B3GLCT: variants seen among roughly 807,000 people sequenced by gnomAD.
B3GLCT encodes beta 3-glucosyltransferase.
In B3GLCT, 65 loss-of-function variants were observed where a neutral mutation model predicts 63.4. That is an observed-to-expected ratio of 1.03 (90% CI 0.84 to 1.26). The LOEUF is 1.26. B3GLCT is among the 50% of genes most tolerant of loss of function. The probability of loss-of-function intolerance (pLI) is 0.00; values close to 1 mark genes in which losing one functional copy is unlikely to be tolerated. For missense variants in B3GLCT, 577 were observed against 604.8 expected, an observed-to-expected ratio of 0.95 and a Z score of 0.48; for synonymous variants, 233 against 219.2, an observed-to-expected ratio of 1.06 and a Z score of -0.55.
intron 8 of B3GLCT, among the ~76,000 whole-genome samples, chr13:31,272,472 T>TC (rs1872616308): frequency 6.6e-6 from 1 of 152,086 alleles, no homozygotes; most frequent in South Asian, 2.1e-4. Context: ...CACCTTGGCC[T>TC]CCCAAAGTGC....
intron 12 of B3GLCT, among the ~76,000 whole-genome samples, chr13:31,316,013 C>T (rs1874988378): frequency 6.6e-6 from 1 of 152,206 alleles, no homozygotes; most frequent in East Asian, 1.9e-4. Context: ...GGTTTGGGAA[C>T]CTCTGCCTAG....
Position 31,247,030 on chromosome 13 carries a change from C to G in B3GLCT, c.278C>G (p.Pro93Arg). The G allele has an allele frequency of 2.5e-6, 4 of 1,611,814 alleles. No individual in the cohort carries two copies. The highest frequency in any genetic ancestry group is 3.4e-6 in the Non-Finnish European group (4 of 1,178,908). The change falls in exon 5 of 15, where the codon CCC becomes CGC. Residue 93 changes from proline to arginine, a missense_variant. By Grantham distance (103) the Pro-to-Arg change is moderately radical. Coordinates refer to ENST00000343307, the MANE Select transcript of B3GLCT (RefSeq NM_194318.4). Reference sequence around the variant, plus strand: ...TGATCATTGTTTTCTCAGGAGCTCCCCAGTGTCCTCCTCCTTCATCAGCTG... The same window carrying G: ...TGATCATTGTTTTCTCAGGAGCTCCGCAGTGTCCTCCTCCTTCATCAGCTG... ...KQAADLTQEL[P>R]SVLLLHQLAK...
In B3GLCT at chr13:31,225,852, A is replaced by G. The variant is rs549943099; in HGVS notation, c.160+2861A>G. Among the ~76,000 whole-genome samples, 9 of 152,064 alleles carry G rather than the reference A, an allele frequency of 5.9e-5. No individual in the cohort carries two copies. In the East Asian group the frequency reaches 7.8e-4, roughly 13 times the overall value. On this transcript the variant is annotated intron_variant, in intron 3 of 14. Coordinates refer to ENST00000343307, the MANE Select transcript of B3GLCT (RefSeq NM_194318.4). ...ACTTGGCTCATGAGGCCCTTCCCCC[A>G]TTTGAAAGTGATTAATCTAGAGCCC... is the stretch of plus-strand genomic sequence containing the variant.
chr13:31,244,747 A>G (rs1475283), intron 4 of B3GLCT, among the ~76,000 whole-genome samples: 93,130 of 151,940 alleles, frequency 0.61, 28,702 homozygotes, highest in East Asian at 0.71. Flanking sequence ...ATATATATAT[A>G]TGTGTATATA....
At chr13:31,324,213 A>G (rs1875490437) in intron 14 of B3GLCT, among the ~76,000 whole-genome samples, 1 of 152,190 alleles carries the variant, frequency 6.6e-6, no homozygotes, top group Non-Finnish European at 1.5e-5. Context: ...TTTAAAAATT[A>G]TTGGATACTG....
At chr13:31,235,691 TAAAA>T (rs951057912) in intron 4 of B3GLCT, among the ~76,000 whole-genome samples, 4 of 152,276 alleles carry the variant, frequency 2.6e-5, no homozygotes, top group Admixed American at 1.3e-4. Flanking sequence ...TTAATTGTAA[TAAAA>T]AACACCTAAA....
chr13:31,321,658 T>C (rs570707849), intron 13 of B3GLCT, among the ~76,000 whole-genome samples: 2 of 152,340 alleles, frequency 1.3e-5, no homozygotes, highest in African/African-American at 4.8e-5. Flanking sequence ...CCATCCATCT[T>C]AGGTAAGGAT....
At position 31,280,380 on chromosome 13, in the gene B3GLCT, C is replaced by T. The variant is rs115609863; in HGVS notation, c.850+3609C>T. On this transcript the variant is annotated intron_variant, in intron 10 of 14. Coordinates refer to ENST00000343307, the MANE Select transcript of B3GLCT (RefSeq NM_194318.4). Reference sequence around the variant, plus strand: ...CCTCCGTTTGGGGTCCCTGACTTCCCGCAACACTCTGTGGTAGAAATACTT... The same window carrying T: ...CCTCCGTTTGGGGTCCCTGACTTCCTGCAACACTCTGTGGTAGAAATACTT... Among the ~76,000 whole-genome samples the T allele has an allele frequency of 5.7e-3, 867 of 152,280 alleles. 11 individuals carry two copies. Among genetic ancestry groups the T allele is most frequent in the African/African-American group, 0.02 (828 of 41,548 alleles).
At chr13:31,263,880 G>C (rs894195580) in intron 7 of B3GLCT, among the ~76,000 whole-genome samples, 1 of 152,132 alleles carries the variant, frequency 6.6e-6, no homozygotes, top group Admixed American at 6.5e-5. Context: ...CACTGCAGCA[G>C]GGTGTGTAGG....
rs376253915 is a variant in B3GLCT, at chr13:31,274,514, C to G, written c.666C>G (p.Ala222=). The part of the protein sequence containing the change: ...DFTIDLKHEI[A]LYIWDKGGGP... ...TGTCTCCTGTCTCGTGGCAGATTGC[C>G]CTCTACATCTGGGACAAAGGCGGAG... Residue 222 remains alanine (A), a synonymous_variant, in exon 9 of 15, where the codon GCC becomes GCG. Transcript: ENST00000343307. 9 of 1,614,058 alleles carry G rather than the reference C, an allele frequency of 5.6e-6. No homozygotes were observed. Among genetic ancestry groups the G allele is most frequent in the African/African-American group, 2.7e-5 (2 of 74,914 alleles).
At chr13:31,220,104 A>G (rs1241341259) in intron 2 of B3GLCT, among the ~76,000 whole-genome samples, 1 of 152,210 alleles carries the variant, frequency 6.6e-6, no homozygotes, top group Non-Finnish European at 1.5e-5. Flanking sequence ...AATCATGAAC[A>G]CATCTCATTA....
At chr13:31,220,037 C>T (rs1391488228) in intron 2 of B3GLCT, among the ~76,000 whole-genome samples, 1 of 152,192 alleles carries the variant, frequency 6.6e-6, no homozygotes, top group African/African-American at 2.4e-5. Context: ...CCAGTTGAAA[C>T]AGGCCTGAGC....
chr13:31,240,285 A>G (rs571975469), intron 4 of B3GLCT, among the ~76,000 whole-genome samples: 1 of 152,264 alleles, frequency 6.6e-6, no homozygotes, highest in East Asian at 1.9e-4. Context: ...CTCCACCTGA[A>G]CTATGTAGCT....
At chr13:31,267,037 C>T (rs1872358348) in intron 7 of B3GLCT, among the ~76,000 whole-genome samples, 1 of 152,232 alleles carries the variant, frequency 6.6e-6, no homozygotes, top group Non-Finnish European at 1.5e-5. Flanking sequence ...TCCCAAAGTG[C>T]TGGGATTACA....
chr13:31,219,556 A>T (rs551688930), intron 2 of B3GLCT, among the ~76,000 whole-genome samples: 1 of 152,230 alleles, frequency 6.6e-6, no homozygotes, highest in African/African-American at 2.4e-5. Flanking sequence ...TGGTCACGAG[A>T]ACCAAAGTGT....
chr13:31,227,051 T>C (rs1870137859), intron 3 of B3GLCT, among the ~76,000 whole-genome samples: 2 of 152,210 alleles, frequency 1.3e-5, no homozygotes, highest in African/African-American at 2.4e-5. Context: ...TATTATATAG[T>C]TATTCTTTTG....
At chr13:31,237,849 C>T (rs1227167249) in intron 4 of B3GLCT, among the ~76,000 whole-genome samples, 3 of 152,058 alleles carry the variant, frequency 2.0e-5, no homozygotes, top group South Asian at 2.1e-4. Context: ...CTGTAAGGGA[C>T]GGGATGTCTG....
intron 1 of B3GLCT, among the ~76,000 whole-genome samples, chr13:31,212,543 G>A (rs1437904316): frequency 6.6e-6 from 1 of 152,136 alleles, no homozygotes; most frequent in Non-Finnish European, 1.5e-5. Context: ...AAAGTGCTGG[G>A]ATTACAGGCG....
chr13:31,325,295 A>G (rs185394653), intron 14 of B3GLCT, among the ~76,000 whole-genome samples: 1 of 152,142 alleles, frequency 6.6e-6, no homozygotes, highest in African/African-American at 2.4e-5. Flanking sequence ...AAGCCTGTGT[A>G]TTGTGTTAGG....
Sources: allele counts gnomAD v4.1 joint callset (sites outside exome capture counted in the v4.1 genomes callset), GRCh38; gene constraint gnomAD v4.1.1; transcripts MANE v1.5; gene names NCBI Gene and HGNC (gene_info 2026-07-23, HGNC 2026-07-21).